The following PRKAR2B variants were observed in gnomAD, a reference collection of about 807,000 sequenced individuals.
The protein encoded by PRKAR2B is cAMP-dependent protein kinase type II-beta regulatory subunit.
In PRKAR2B, 14 loss-of-function variants were observed where a neutral mutation model predicts 49.9. The observed-to-expected ratio is 0.28, with a 90% CI of 0.19 to 0.44. The LOEUF (loss-of-function observed/expected upper bound fraction) is 0.44, where lower values mean the gene tolerates loss of function less well. PRKAR2B is among the 20% of genes least tolerant of loss of function. The pLI is 1.00. For missense variants in PRKAR2B, 393 were observed against 537.9 expected (o/e 0.73, Z 2.67); for synonymous variants, 196 against 197.7 (o/e 0.99, Z 0.07).
chr7:107,139,766 T>C (rs1795759333), intron 4 of PRKAR2B, among the ~76,000 whole-genome samples: 1 of 152,220 alleles, frequency 6.6e-6, no homozygotes, highest in Non-Finnish European at 1.5e-5. Context: ...TTTCATGCGG[T>C]CTCAAAAGGG....
Position 107,044,936 on chromosome 7 carries a change from C to A in PRKAR2B, c.29C>A (p.Thr10Lys). The change falls in exon 1 of 11, where the codon ACG becomes AAG. Residue 10 changes from threonine (T) to lysine (K), a missense_variant. Thr to Lys is a moderately conservative substitution (Grantham distance 78, BLOSUM62 -1). This residue lies in a region of PRKAR2B where 160 missense variants were observed against 147.6 expected (regional missense o/e 1.08). Coordinates refer to ENST00000265717, the MANE Select transcript of PRKAR2B (RefSeq NM_002736.3). The part of the protein sequence containing the change: MSIEIPAGL[T>K]ELLQGFTVEV... ...AGCATCGAGATCCCGGCGGGACTGA[C>A]GGAGCTGCTGCAGGGCTTCACGGTG... 1 of 1,599,460 alleles carries A rather than the reference C, an allele frequency of 6.3e-7. No individual in the cohort carries two copies. Among genetic ancestry groups the A allele is most frequent in the South Asian group, 1.1e-5 (1 of 88,962 alleles).
At chr7:107,088,462 C>T (rs1794661659) in intron 2 of PRKAR2B, among the ~76,000 whole-genome samples, 1 of 152,084 alleles carries the variant, frequency 6.6e-6, no homozygotes, top group Non-Finnish European at 1.5e-5. Flanking sequence ...GGAGCTTATT[C>T]CCTCATTTGT....
At chr7:107,048,448 C>T (rs1340151896) in intron 1 of PRKAR2B, among the ~76,000 whole-genome samples, 1 of 151,966 alleles carries the variant, frequency 6.6e-6, no homozygotes, top group Non-Finnish European at 1.5e-5. Flanking sequence ...GGTTCATATC[C>T]TCTCTTGTGA....
intron 5 of PRKAR2B, among the ~76,000 whole-genome samples, chr7:107,142,771 G>T (rs111451744): frequency 0.088 from 12,884 of 145,820 alleles, 595 homozygotes; most frequent in Middle Eastern, 0.16. Flanking sequence ...TTTTTTGTTT[G>T]TTTTTTTTTT....
At chr7:107,061,408 T>C (rs1302650419) in intron 1 of PRKAR2B, among the ~76,000 whole-genome samples, 1 of 152,122 alleles carries the variant, frequency 6.6e-6, no homozygotes, top group African/African-American at 2.4e-5. Flanking sequence ...TTCATATTCT[T>C]CAATAATGTT....
At chr7:107,055,097 A>G (rs1012821157) in intron 1 of PRKAR2B, among the ~76,000 whole-genome samples, 1 of 152,132 alleles carries the variant, frequency 6.6e-6, no homozygotes, top group Admixed American at 6.5e-5. Flanking sequence ...TTTGCTGAGA[A>G]TGATGGTTTC....
chr7:107,085,668 T>G (rs1287899738), intron 2 of PRKAR2B, among the ~76,000 whole-genome samples: 1 of 152,158 alleles, frequency 6.6e-6, no homozygotes, highest in Non-Finnish European at 1.5e-5. Flanking sequence ...TAAACTTATA[T>G]CCAATTTTTT....
chr7:107,130,204 T>C (rs1025329940), intron 4 of PRKAR2B, among the ~76,000 whole-genome samples: 1 of 152,094 alleles, frequency 6.6e-6, no homozygotes, highest in African/African-American at 2.4e-5. Flanking sequence ...CAAGTCTTGT[T>C]AAAAGTTATG....
At chr7:107,075,270 T>G (rs558608084) in intron 2 of PRKAR2B, among the ~76,000 whole-genome samples, 3 of 151,866 alleles carry the variant, frequency 2.0e-5, no homozygotes, top group Non-Finnish European at 4.4e-5. Flanking sequence ...GCCTGGCTAA[T>G]TTTTTGTATT....
At chr7:107,131,153 G>C (rs1795598966) in intron 4 of PRKAR2B, among the ~76,000 whole-genome samples, 2 of 152,316 alleles carry the variant, frequency 1.3e-5, no homozygotes, top group East Asian at 1.9e-4. Context: ...CATGTGTTAT[G>C]TTTGCATGCT....
intron 2 of PRKAR2B, among the ~76,000 whole-genome samples, chr7:107,112,749 GA>G (rs1187761519): frequency 1.3e-5 from 2 of 151,920 alleles, no homozygotes; most frequent in East Asian, 1.9e-4. Context: ...TTTAATTAAT[GA>G]AAAAAACCAG....
intron 1 of PRKAR2B, among the ~76,000 whole-genome samples, chr7:107,059,022 A>G (rs1793973624): frequency 6.6e-6 from 1 of 152,160 alleles, no homozygotes; most frequent in Admixed American, 6.5e-5. Flanking sequence ...ACGGTGGCTC[A>G]CGCCTGTATT....
intron 4 of PRKAR2B, among the ~76,000 whole-genome samples, chr7:107,130,804 C>T (rs1255265215): frequency 3.3e-5 from 5 of 152,248 alleles, no homozygotes; most frequent in East Asian, 1.9e-4. Context: ...TCTTTTGCTC[C>T]GGAGGCACAC....
chr7:107,047,396 T>G lies in PRKAR2B; in HGVS notation c.307+2182T>G, dbSNP rs1793718451. 3.3e-5 allele frequency among the ~76,000 whole-genome samples: 5 copies of G among 152,244 alleles called. No individual in the cohort carries two copies. The South Asian group carries it at 8.3e-4, about 25-fold the overall frequency. On this transcript the variant is annotated intron_variant, in intron 1 of 10. Transcript: ENST00000265717. ...CTTGTAAAGGGCCGGTTAGTAAGTG[T>G]TTTAGACTTAGGGCAACATGTGGTC...
intron 2 of PRKAR2B, among the ~76,000 whole-genome samples, chr7:107,076,303 A>G (rs541925274): frequency 6.6e-6 from 1 of 152,258 alleles, no homozygotes; most frequent in East Asian, 1.9e-4. Flanking sequence ...TTAGAGTCAG[A>G]TTTCCTCCAC....
chr7:107,074,756 C>T (rs1320715654), intron 2 of PRKAR2B, among the ~76,000 whole-genome samples: 2 of 151,902 alleles, frequency 1.3e-5, no homozygotes, highest in Non-Finnish European at 2.9e-5. Context: ...TGAGATTGCG[C>T]CACCGTACTC....
chr7:107,071,128 G>A (rs1794265461), intron 2 of PRKAR2B, among the ~76,000 whole-genome samples: 1 of 152,128 alleles, frequency 6.6e-6, no homozygotes, highest in Admixed American at 6.5e-5. Flanking sequence ...AATGAAGTGA[G>A]GGTAATATTT....
At chr7:107,126,420 C>CAAAAAAAAAAAAAA (rs35682952) in intron 3 of PRKAR2B, among the ~76,000 whole-genome samples, 385 of 38,384 alleles carry the variant, frequency 0.01, 18 homozygotes, top group East Asian at 0.021. Context: ...GAATCTGTCT[C>CAAAAAAAAAAAAAA]AAAAAAAAAA....
chr7:107,126,529 G>T (rs1403852474), intron 3 of PRKAR2B, among the ~76,000 whole-genome samples: 2 of 151,944 alleles, frequency 1.3e-5, no homozygotes, highest in Non-Finnish European at 2.9e-5. Context: ...GAATTGAATG[G>T]GTTGGAGAGA....
Sources: gnomAD v4.1 joint callset for allele counts (sites outside exome capture counted in the v4.1 genomes callset) on GRCh38, gnomAD v4.1.1 for gene constraint, gnomAD v4.1.1 regional missense constraint, MANE v1.5 for transcripts, NCBI Gene and HGNC (gene_info 2026-07-23, HGNC 2026-07-21) for gene names.